PRP4K: variants seen among roughly 807,000 people sequenced by gnomAD.
PRP4K encodes serine/threonine-protein kinase PRP4 homolog.
the PRP4K span, chr6:4,031,486 C>A: frequency 8.5e-7 from 1 of 1,174,538 alleles, no homozygotes; most frequent in Non-Finnish European, 1.2e-6. Flanking sequence ...TTTCTCATTA[C>A]TGTTATTTTC....
the PRP4K span, chr6:4,021,379 C>T: frequency 4.5e-6 from 7 of 1,556,812 alleles, no homozygotes; most frequent in East Asian, 9.6e-5. Context: ...TACCCTCCAC[C>T]GTCCGGGAGC....
At chr6:4,051,337 G>A in the PRP4K span, among the ~76,000 whole-genome samples, 1 of 151,818 alleles carries the variant, frequency 6.6e-6, no homozygotes, top group African/African-American at 2.4e-5. Flanking sequence ...GTTTGAGATG[G>A]AGTTTTGCTC....
the PRP4K span, chr6:4,048,940 C>T: frequency 3.2e-5 from 29 of 916,210 alleles, no homozygotes; most frequent in South Asian, 8.5e-5. Context: ...CTGGTGTTAC[C>T]CTTTTGTGTT....
the PRP4K span, chr6:4,043,764 G>T: frequency 6.4e-7 from 1 of 1,555,166 alleles, no homozygotes; most frequent in Non-Finnish European, 8.8e-7. Flanking sequence ...AATGTATTTG[G>T]ATAGCATCCA....
chr6:4,039,333 G>A, the PRP4K span, among the ~76,000 whole-genome samples: 3 of 152,090 alleles, frequency 2.0e-5, no homozygotes, highest in African/African-American at 2.4e-5. Flanking sequence ...TGAGTTTTCC[G>A]GAATCCTTTC....
the PRP4K span, chr6:4,031,952 A>G: frequency 6.2e-6 from 10 of 1,614,094 alleles, no homozygotes; most frequent in South Asian, 1.1e-5. Flanking sequence ...CTGGCTCTGA[A>G]GAAGAGGGGG....
the PRP4K span, chr6:4,032,389 A>T: frequency 6.8e-6 from 11 of 1,614,112 alleles, no homozygotes; most frequent in Non-Finnish European, 8.5e-6. Context: ...CGAGGTAAAA[A>T]ATCCAGATCC....
the PRP4K span, among the ~76,000 whole-genome samples, chr6:4,045,471 G>A: frequency 2.0e-5 from 3 of 152,192 alleles, no homozygotes; most frequent in African/African-American, 7.2e-5. Flanking sequence ...AGACATCACA[G>A]CACACTTACT....
the PRP4K span, chr6:4,052,127 A>C: frequency 4.8e-5 from 73 of 1,515,994 alleles, no homozygotes; most frequent in African/African-American, 9.1e-4. Flanking sequence ...TTAAATTGCA[A>C]ATTTAACTTC....
the PRP4K span, among the ~76,000 whole-genome samples, chr6:4,033,618 T>C: frequency 1.3e-5 from 2 of 152,186 alleles, no homozygotes. Context: ...GTTTTGCTTA[T>C]TAAAAGAGTA....
the PRP4K span, among the ~76,000 whole-genome samples, chr6:4,044,866 T>TTA: frequency 4.1e-3 from 510 of 124,602 alleles, 2 homozygotes; most frequent in Admixed American, 6.7e-3. Context: ...TATTATTATT[T>TTA]TTTTTTTTTT....
At chr6:4,056,999 C>T in the PRP4K span, 1,030,980 of 1,498,174 alleles carry the variant, frequency 0.69, 355,294 homozygotes, top group East Asian at 0.79. Flanking sequence ...TCAGTTTTCT[C>T]TATCCTCGTA....
At chr6:4,022,383 A>ATT in the PRP4K span, among the ~76,000 whole-genome samples, 19 of 150,746 alleles carry the variant, frequency 1.3e-4, no homozygotes, top group Admixed American at 1.3e-3. Context: ...GTTCATGTCT[A>ATT]TGTTAGGAAA....
the PRP4K span, chr6:4,043,907 A>C: frequency 6.2e-7 from 1 of 1,614,252 alleles, no homozygotes; most frequent in Non-Finnish European, 8.5e-7. Context: ...CCATCTCCAG[A>C]TGACATTCTG....
chr6:4,049,106 C>T, the PRP4K span: 1 of 1,602,378 alleles, frequency 6.2e-7, no homozygotes, highest in Non-Finnish European at 8.5e-7. Flanking sequence ...AGGCTATTAT[C>T]GTAAGTTCAC....
the PRP4K span, chr6:4,063,762 T>G: frequency 3.9e-5 from 6 of 152,202 alleles, no homozygotes; most frequent in African/African-American, 9.6e-5. Context: ...AATTTGGAAC[T>G]CTGCAAGACC....
chr6:4,062,842 G>T, the PRP4K span: 1 of 152,640 alleles, frequency 6.6e-6, no homozygotes, highest in Non-Finnish European at 1.5e-5. The surrounding 1 kb of genome is among the most constrained non-coding windows in gnomAD (Gnocchi z 4.2). Context: ...GAAATGGGTA[G>T]TGATTTTCCC....
At chr6:4,021,315 C>A in the PRP4K span, 5 of 1,432,044 alleles carry the variant, frequency 3.5e-6, no homozygotes, top group African/African-American at 2.8e-5. Flanking sequence ...CCAGCTCTTC[C>A]CTACACGGTC....
At chr6:4,050,020 T>G in the PRP4K span, 4 of 32,814 alleles carry the variant, frequency 1.2e-4, 1 homozygote, top group East Asian at 5.3e-4. Flanking sequence ...AAACAGTTGT[T>G]TTTTTTTTTT....
Sources: gnomAD v4.1 joint callset for allele counts (sites outside exome capture counted in the v4.1 genomes callset) on GRCh38, gnomAD v4.1.1 for gene constraint, Gnocchi (gnomAD v3.1) non-coding constraint, MANE v1.5 for transcripts, NCBI Gene and HGNC (gene_info 2026-07-23, HGNC 2026-07-21) for gene names.